Variants in OR1R1 observed in about 807,000 individuals in gnomAD.
OR1R1 encodes the protein olfactory receptor family 1 subfamily R member 1.
the OR1R1 span, chr17:3,386,354 C>CCTCGCTGGTGCGTGCGT: frequency 2.5e-5 from 10 of 398,236 alleles, no homozygotes; most frequent in Admixed American, 3.5e-4. Flanking sequence ...TGGCGCTGCG[C>CCTCGCTGGTGCGTGCGT]CTCGCTGGTG....
the OR1R1 span, chr17:3,386,260 G>A: frequency 1.3e-5 from 5 of 398,634 alleles, no homozygotes; most frequent in African/African-American, 2.1e-5. Flanking sequence ...GGGCATCACC[G>A]AGAGCTACCT....
At chr17:3,386,533 G>C in the OR1R1 span, 1 of 398,256 alleles carries the variant, frequency 2.5e-6, no homozygotes, top group Non-Finnish European at 4.4e-6. Flanking sequence ...CATCTTCTCC[G>C]AGGGCCTGGC....
chr17:3,386,449 G>C, the OR1R1 span: 4 of 393,550 alleles, frequency 1.0e-5, no homozygotes, highest in Admixed American at 4.4e-5. Context: ...CCCCACCCCC[G>C]TGCGCCCCTT....
chr17:3,386,521 G>A, the OR1R1 span: 2,301 of 398,428 alleles, frequency 5.8e-3, 49 homozygotes, highest in African/African-American at 0.042. Flanking sequence ...CGCGGAGACG[G>A]CCATCTTCTC....
At chr17:3,386,245 G>C in the OR1R1 span, 1 of 398,786 alleles carries the variant, frequency 2.5e-6, no homozygotes. Flanking sequence ...CTTCTTCGTG[G>C]CTCTGGGCAT....
chr17:3,386,868 G>A, the OR1R1 span: 3 of 398,602 alleles, frequency 7.5e-6, no homozygotes, highest in Non-Finnish European at 8.8e-6. Flanking sequence ...CACCCCAAGA[G>A]GCGTGAGGGC....
chr17:3,386,304 G>T, the OR1R1 span: 20 of 398,370 alleles, frequency 5.0e-5, no homozygotes, highest in African/African-American at 3.7e-4. Flanking sequence ...GCCCGACGGC[G>T]GCGTGCCGGC....
At chr17:3,386,550 G>A in the OR1R1 span, 1 of 398,438 alleles carries the variant, frequency 2.5e-6, no homozygotes, top group Non-Finnish European at 4.4e-6. Flanking sequence ...TGGCCGTGGT[G>A]TTGGCCCCGC....
chr17:3,386,837 G>C, the OR1R1 span: 4 of 398,524 alleles, frequency 1.0e-5, no homozygotes, highest in African/African-American at 8.2e-5. Flanking sequence ...GCCCTGAAAA[G>C]GGGGCTCAGA....
At chr17:3,386,500 G>A in the OR1R1 span, 1 of 398,310 alleles carries the variant, frequency 2.5e-6, no homozygotes, top group South Asian at 1.3e-4. Context: ...GGCGACCTCG[G>A]ACACGTCCGC....
the OR1R1 span, chr17:3,386,436 C>G: frequency 1.8e-5 from 7 of 398,418 alleles, no homozygotes; most frequent in Non-Finnish European, 3.1e-5. Context: ...TCTCCTACCC[C>G]TACCCCACCC....
chr17:3,386,839 G>C, the OR1R1 span: 1 of 398,606 alleles, frequency 2.5e-6, no homozygotes, highest in African/African-American at 2.1e-5. Flanking sequence ...CCTGAAAAGG[G>C]GGCTCAGATG....
the OR1R1 span, chr17:3,386,441 C>T: frequency 2.5e-6 from 1 of 398,492 alleles, no homozygotes; most frequent in Non-Finnish European, 4.4e-6. Context: ...TACCCCTACC[C>T]CACCCCCGTG....
chr17:3,386,720 C>T, the OR1R1 span: 3 of 398,576 alleles, frequency 7.5e-6, no homozygotes, highest in Admixed American at 4.4e-5. Flanking sequence ...CCGCCGTCGT[C>T]TGCCTACTCA....
the OR1R1 span, chr17:3,385,959 C>G: frequency 1.5e-5 from 6 of 397,412 alleles, no homozygotes; most frequent in Admixed American, 4.5e-5. Context: ...CATCTGCCCC[C>G]GTGTTCCTCC....
chr17:3,386,686 G>T, the OR1R1 span: 5 of 393,394 alleles, frequency 1.3e-5, no homozygotes, highest in Non-Finnish European at 2.2e-5. Context: ...GCTTTTCTTT[G>T]GCTCTGTCCT....
chr17:3,386,277 G>T, the OR1R1 span: 9 of 398,480 alleles, frequency 2.3e-5, no homozygotes, highest in African/African-American at 1.0e-4. Flanking sequence ...ACCTCCTGGC[G>T]GCCATGTCCT....
At chr17:3,386,282 TGTCCTACGACCGCCCGA>T in the OR1R1 span, 3 of 398,218 alleles carry the variant, frequency 7.5e-6, no homozygotes, top group Non-Finnish European at 1.3e-5. Flanking sequence ...CTGGCGGCCA[TGTCCTACGACCGCCCGA>T]CGGCGGCGTG....
At chr17:3,386,590 C>T in the OR1R1 span, 2 of 398,460 alleles carry the variant, frequency 5.0e-6, no homozygotes, top group Non-Finnish European at 8.9e-6. Context: ...CCTACGCGCG[C>T]ATCCTGGTCG....
Sources: allele counts gnomAD v4.1 joint callset, GRCh38; gene constraint gnomAD v4.1.1; transcripts MANE v1.5; gene names NCBI Gene and HGNC (gene_info 2026-07-23, HGNC 2026-07-21).